CFAP47: variants seen among roughly 807,000 people sequenced by gnomAD.
CFAP47 encodes cilia- and flagella-associated protein 47.
A neutral mutation model predicts 148.1 loss-of-function variants in CFAP47; 29 were observed. The ratio of observed to expected loss-of-function variants is 0.20; its 90% CI spans 0.15 to 0.27. The LOEUF (loss-of-function observed/expected upper bound fraction) is 0.27. Among genes scored for constraint, CFAP47 ranks in the 10% least tolerant of loss-of-function variants. The pLI is 1.00. For missense variants in CFAP47, 1,872 were observed against 1,697.5 expected (o/e 1.10, Z -1.81); for synonymous variants, 664 against 577.3 (o/e 1.15, Z -2.15).
intron 39 of CFAP47, among the ~76,000 whole-genome samples, chrX:36,177,214 A>G (rs770806370): frequency 8.9e-6 from 1 of 112,191 alleles, no homozygotes; most frequent in African/African-American, 3.2e-5. Flanking sequence ...GTATTTAAGC[A>G]GGGATGATTC....
At chrX:36,003,967 C>CTTT (rs761024902) in intron 21 of CFAP47, among the ~76,000 whole-genome samples, 1,273 of 66,347 alleles carry the variant, frequency 0.019, 73 homozygotes, top group African/African-American at 0.078. Flanking sequence ...CTTTCTTTTT[C>CTTT]TTTTTTTTTT....
chrX:35,921,667 T>C (rs1051652361), intron 1 of CFAP47, among the ~76,000 whole-genome samples: 22 of 111,934 alleles, frequency 2.0e-4, no homozygotes, highest in African/African-American at 6.5e-4. Context: ...CATCTAGATA[T>C]GCTTAGTAGT....
chrX:36,361,476 G>T lies in CFAP47; in HGVS notation c.8998G>T (p.Val3000Leu). 1 of 1,053,431 alleles carries T rather than the reference G, an allele frequency of 9.5e-7. No individual in the cohort carries two copies. Among genetic ancestry groups the T allele is most frequent in the Non-Finnish European group, 1.3e-6 (1 of 787,310 alleles). 86.8% of individuals were successfully genotyped at this position (1,053,431 alleles called of 1,213,427 possible). The change falls in exon 61 of 64, where the codon GTA (valine) becomes TTA (leucine). Residue 3000 changes from valine to leucine, a missense_variant. Transcript: ENST00000378653. ...AKRITFIFNL[V>L]FTPKKPLRSH... ...AAGGATAACATTTATCTTCAATCTG[G>T]TATTCACACCAAAGAAACCATTAAG...
chrX:36,252,512 G>C (rs1029730274), intron 49 of CFAP47, among the ~76,000 whole-genome samples: 11 of 110,799 alleles, frequency 9.9e-5, no homozygotes, highest in Non-Finnish European at 2.1e-4. Context: ...AAAATTGTTA[G>C]CATCTTCTGA....
At chrX:36,141,226 C>T (rs932267549) in intron 35 of CFAP47, among the ~76,000 whole-genome samples, 4 of 110,260 alleles carry the variant, frequency 3.6e-5, no homozygotes, top group East Asian at 2.9e-4. Context: ...CTGGTGGCAT[C>T]GCTCAGTCCA....
At chrX:36,073,449 A>C (rs1216791377) in intron 29 of CFAP47, 85 bp downstream of exon 29, 2 of 598,509 alleles carry the variant, frequency 3.3e-6, no homozygotes. Flanking sequence ...TTTAAGTGAA[A>C]TACAATATGA....
chrX:36,225,802 C>G (rs1471238915), intron 45 of CFAP47, among the ~76,000 whole-genome samples: 2 of 111,084 alleles, frequency 1.8e-5, no homozygotes, highest in Non-Finnish European at 3.8e-5. Flanking sequence ...GGACAGGAAC[C>G]TCTCTATCCT....
rs186690329 is a variant in CFAP47, at chrX:36,217,661, A to G, written c.6818-10967A>G. ...TACTAACATTCTGGTTTTCTGCGCA[A>G]TCCAAATTCTTTCCTCCTACTCTGC... On this transcript the variant is annotated intron_variant, in intron 45 of 63. Transcript: ENST00000378653. Among the ~76,000 whole-genome samples, 7 of 111,570 alleles carry G rather than the reference A, an allele frequency of 6.3e-5. No individual in the cohort carries two copies. In the East Asian group the frequency reaches 2.0e-3, roughly 31 times the overall value.
chrX:36,308,097 T>G (rs1160865877), intron 55 of CFAP47, among the ~76,000 whole-genome samples: 3 of 111,757 alleles, frequency 2.7e-5, no homozygotes, highest in African/African-American at 9.7e-5. Flanking sequence ...AGCATATCTA[T>G]TCAAGGGCAG....
At chrX:36,293,787 A>G (rs1159096556) in intron 51 of CFAP47, among the ~76,000 whole-genome samples, 2 of 111,460 alleles carry the variant, frequency 1.8e-5, no homozygotes, top group East Asian at 5.7e-4. Flanking sequence ...CCCATCACCC[A>G]TTTACAGCTC....
chrX:36,336,542 T>C (rs983209725), intron 57 of CFAP47, among the ~76,000 whole-genome samples: 2 of 111,445 alleles, frequency 1.8e-5, no homozygotes, highest in Non-Finnish European at 3.8e-5. Flanking sequence ...AAGACCAAAT[T>C]TGAAAGAGCC....
intron 33 of CFAP47, among the ~76,000 whole-genome samples, chrX:36,131,456 G>T (rs969110343): frequency 1.8e-5 from 2 of 110,423 alleles, no homozygotes; most frequent in South Asian, 7.5e-4. Context: ...ATGTAAAACT[G>T]CTATAAAAAA....
At chrX:35,924,284 T>G (rs145197893) in intron 1 of CFAP47, among the ~76,000 whole-genome samples, 2,953 of 105,775 alleles carry the variant, frequency 0.028, 206 homozygotes, top group African/African-American at 0.068. Context: ...TGTGTATATG[T>G]ACATGTATGT....
rs1939979849 is a variant in CFAP47 at position 36,201,511 on chromosome X, A to T, written c.6663+11A>T. ...CTGACGAAGATCGAGGTGGGAATGG[A>T]GTAATAGATGATTCACTTCAATTAC... is the stretch of plus-strand genomic sequence containing the variant. On this transcript the variant is annotated intron_variant, in intron 44 of 63. Transcript: ENST00000378653. 3.4e-6 allele frequency: 1 copy of T among 294,991 alleles called. No individual in the cohort carries two copies. Among genetic ancestry groups the T allele is most frequent in the Non-Finnish European group, 5.9e-6 (1 of 169,462 alleles). The allele number at this position is 294,991 out of a possible 1,213,427, so 24.3% of individuals were successfully genotyped here.
Position 36,276,054 on chromosome X carries a change from GTA to G in CFAP47, c.7445-4420_7445-4419del, listed in dbSNP as rs1450902272. Among the ~76,000 whole-genome samples, 336 of 107,591 alleles carry G rather than the reference GTA, an allele frequency of 3.1e-3. 1 individual carries two copies. Among genetic ancestry groups the G allele is most frequent in the African/African-American group, 0.011 (321 of 29,712 alleles). The allele number at this position is 107,591 out of a possible 115,157, so 93.4% of individuals were successfully genotyped here. ...ATAGCATAAAAACATATTTATATAT[GTA>G]TATATATATATAATCTTAATTCATG... is the stretch of plus-strand genomic sequence containing the variant. On this transcript the variant is annotated intron_variant, in intron 49 of 63. Transcript: ENST00000378653.
chrX:36,221,660 G>T (rs1251668598), intron 45 of CFAP47, among the ~76,000 whole-genome samples: 2 of 110,734 alleles, frequency 1.8e-5, no homozygotes, highest in Non-Finnish European at 3.8e-5. Context: ...CCTATACCAG[G>T]TATTTACTAA....
chrX:36,310,892 G>T lies in CFAP47; in HGVS notation c.8247G>T (p.Thr2749=). The change falls in exon 56 of 64, where the codon ACG becomes ACT. Residue 2749 remains threonine (T), a synonymous_variant. Transcript: ENST00000378653. ...GVGLFPQPLD[T]ERITTRIGLQ... ...GACTATTTCCCCAGCCTCTAGACAC[G>T]GAAAGAATAACCACACGCATTGGTC... 1 of 1,145,824 alleles carries T rather than the reference G, an allele frequency of 8.7e-7. No homozygotes were observed. The highest frequency in any genetic ancestry group is 1.2e-6 in the Non-Finnish European group (1 of 855,935). 94.4% of individuals were successfully genotyped at this position (1,145,824 alleles called of 1,213,427 possible).
chrX:36,155,197 T>C (rs1213265620), intron 37 of CFAP47, among the ~76,000 whole-genome samples: 1 of 111,658 alleles, frequency 9.0e-6, no homozygotes, highest in Non-Finnish European at 1.9e-5. Flanking sequence ...TAATTGTCTC[T>C]GACTTTTATG....
At chrX:35,941,766 T>G (rs1410108368) in intron 3 of CFAP47, among the ~76,000 whole-genome samples, 2 of 111,596 alleles carry the variant, frequency 1.8e-5, no homozygotes, top group Non-Finnish European at 3.8e-5. Flanking sequence ...TCCTCATTTA[T>G]AAACGGGTGC....
Sources: allele counts gnomAD v4.1 joint callset (sites outside exome capture counted in the v4.1 genomes callset), GRCh38; gene constraint gnomAD v4.1.1; transcripts MANE v1.5; gene names NCBI Gene and HGNC (gene_info 2026-07-23, HGNC 2026-07-21).